GRAMD1C: variants seen among roughly 807,000 people sequenced by gnomAD.
GRAMD1C encodes GRAM domain containing 1C.
Under a neutral mutation model 97.8 loss-of-function variants are expected in GRAMD1C, and 89 were observed. That is an observed-to-expected ratio of 0.91 (90% CI 0.77 to 1.09). The LOEUF (loss-of-function observed/expected upper bound fraction) is 1.09. GRAMD1C is among the 50% of genes least tolerant of loss of function. GRAMD1C has a pLI of 0.00. For missense variants in GRAMD1C, 740 were observed against 766.4 expected, an observed-to-expected ratio of 0.97 and a Z score of 0.41; for synonymous variants, 256 against 267.0, an observed-to-expected ratio of 0.96 and a Z score of 0.40.
At chr3:113,919,495 G>T in intron 10 of GRAMD1C, 1 of 531,972 alleles carries the variant, frequency 1.9e-6, no homozygotes, top group South Asian at 1.4e-5. Context: ...TAAACCTAAT[G>T]AAAGAACTAG....
chr3:113,870,226 G>A (rs1934741766), intron 3 of GRAMD1C, among the ~76,000 whole-genome samples: 1 of 151,970 alleles, frequency 6.6e-6, no homozygotes, highest in East Asian at 1.9e-4. Context: ...AGCCAGGTGT[G>A]GTGGTATGTG....
At chr3:113,852,754 A>C (rs972782117) in intron 2 of GRAMD1C, among the ~76,000 whole-genome samples, 1 of 152,202 alleles carries the variant, frequency 6.6e-6, no homozygotes, top group African/African-American at 2.4e-5. Context: ...AACTTGTATG[A>C]GCTGGAACTG....
At chr3:113,837,891 G>C (rs529475348), upstream of GRAMD1C, among the ~76,000 whole-genome samples, 1 of 152,300 alleles carries the variant, frequency 6.6e-6, no homozygotes, top group African/African-American at 2.4e-5. Flanking sequence ...TGGTCTAATA[G>C]AGCCAGAACC....
chr3:113,835,199 G>C (rs1263239628), upstream of GRAMD1C, among the ~76,000 whole-genome samples: 2 of 152,126 alleles, frequency 1.3e-5, no homozygotes, highest in African/African-American at 4.8e-5. Flanking sequence ...TCTCAATGAG[G>C]CATTTGTGTT....
At chr3:113,942,322 G>T (rs1361975432) in intron 17 of GRAMD1C, among the ~76,000 whole-genome samples, 2 of 151,848 alleles carry the variant, frequency 1.3e-5, no homozygotes, top group South Asian at 4.1e-4. Flanking sequence ...TTTGCATCAA[G>T]ATCTTCACCC....
chr3:113,911,733 C>CCTTCCT (rs1577196034), intron 9 of GRAMD1C, among the ~76,000 whole-genome samples: 2 of 28,342 alleles, frequency 7.1e-5, no homozygotes, highest in Non-Finnish European at 7.2e-5. Context: ...CCTTCCTTTT[C>CCTTCCT]TTTCTTTCTT....
At chr3:113,885,801 A>C in intron 6 of GRAMD1C, 1 of 1,610,058 alleles carries the variant, frequency 6.2e-7, no homozygotes, top group East Asian at 2.2e-5. Flanking sequence ...GAGCAGCTAC[A>C]TCAAGGACCT....
At chr3:113,835,166 C>G (rs1197877886), upstream of GRAMD1C, among the ~76,000 whole-genome samples, 1 of 152,120 alleles carries the variant, frequency 6.6e-6, no homozygotes, top group Non-Finnish European at 1.5e-5. Context: ...AGTGTGATCT[C>G]ACTTTAAATA....
At position 113,940,365 on chromosome 3, in the gene GRAMD1C, ACAGTACTT is replaced by A; in HGVS notation, c.1908+21_1908+28del. On this transcript the variant is annotated intron_variant, in intron 17 of 17. Transcript: ENST00000358160. ...GAACAGGTAGGCAACTCGATACATC[ACAGTACTT>A]AGTATCTTTGTCCCAGTATGAATTA... 1 of 1,164,308 alleles carries A rather than the reference ACAGTACTT, an allele frequency of 8.6e-7. No homozygotes were observed. 72.1% of individuals were successfully genotyped at this position (1,164,308 alleles called of 1,614,324 possible).
rs148862856 is a variant in GRAMD1C at position 113,904,016 on chromosome 3, T to A, written c.657-124T>A. 508 of 596,756 alleles carry A rather than the reference T, an allele frequency of 8.5e-4. 5 individuals carry two copies. The African/African-American group carries it at 8.6e-3, about 10-fold the overall frequency. The allele number at this position is 596,756 out of a possible 1,614,324, so 37.0% of individuals were successfully genotyped here. On this transcript the variant is annotated intron_variant, in intron 7 of 17. Transcript: ENST00000358160. Reference sequence around the variant, plus strand: ...TTGTTATAAGTAAACATTTATTTGCTATATTACAGTAGTCCATTTATTATC... The same window carrying A: ...TTGTTATAAGTAAACATTTATTTGCAATATTACAGTAGTCCATTTATTATC...
intron 3 of GRAMD1C, among the ~76,000 whole-genome samples, chr3:113,870,221 G>A (rs1417487087): frequency 2.6e-5 from 4 of 151,938 alleles, no homozygotes; most frequent in Admixed American, 6.6e-5. Context: ...AAATTAGCCA[G>A]GTGTGGTGGT....
At chr3:113,879,850 T>C (rs1239744208) in intron 5 of GRAMD1C, among the ~76,000 whole-genome samples, 1 of 151,956 alleles carries the variant, frequency 6.6e-6, no homozygotes, top group African/African-American at 2.4e-5. Flanking sequence ...CCCGCCACCA[T>C]GCCCGGCTAA....
chr3:113,829,718 A>G (rs1034206501), intron 1 of GRAMD1C, among the ~76,000 whole-genome samples: 2 of 152,224 alleles, frequency 1.3e-5, no homozygotes, highest in East Asian at 3.8e-4. Context: ...GCTAGATCAA[A>G]TATATCAGTG....
chr3:113,933,238 G>A lies in GRAMD1C; in HGVS notation c.1210-273G>A, dbSNP rs146736305. 9.8e-3 allele frequency among the ~76,000 whole-genome samples: 1,481 copies of A among 151,798 alleles called. 9 individuals carry two copies. The highest frequency in any genetic ancestry group is 0.014 in the Middle Eastern group (4 of 294). On this transcript the variant is annotated intron_variant, in intron 11 of 17. Transcript: ENST00000358160. Reference sequence around the variant, plus strand: ...GTAGAGGCTGGGTGTTTTTATATTGGCCAGGCTGGTCCCGAATTCCTGACC... The same window carrying A: ...GTAGAGGCTGGGTGTTTTTATATTGACCAGGCTGGTCCCGAATTCCTGACC...
chr3:113,869,244 A>G (rs992040272), intron 2 of GRAMD1C, among the ~76,000 whole-genome samples: 1 of 151,942 alleles, frequency 6.6e-6, no homozygotes, highest in African/African-American at 2.4e-5. Flanking sequence ...GCCTTTGGTC[A>G]TTTTCCATCG....
At chr3:113,894,927 A>G (rs1935876904) in intron 6 of GRAMD1C, among the ~76,000 whole-genome samples, 1 of 152,204 alleles carries the variant, frequency 6.6e-6, no homozygotes, top group African/African-American at 2.4e-5. Context: ...GGTTGACAGA[A>G]GGGTGTCCTA....
chr3:113,838,720 C>A, upstream of GRAMD1C: 1 of 377,578 alleles, frequency 2.6e-6, no homozygotes, highest in Non-Finnish European at 4.7e-6. Flanking sequence ...TTCAGGCTAA[C>A]CCGGTAACAC....
At chr3:113,885,428 A>G (rs1165865814) in intron 6 of GRAMD1C, 4 of 1,572,348 alleles carry the variant, frequency 2.5e-6, no homozygotes, top group South Asian at 1.1e-5. Flanking sequence ...GTTCGATATG[A>G]TATCCTCCCC....
intron 6 of GRAMD1C, among the ~76,000 whole-genome samples, chr3:113,891,534 A>C (rs1335395442): frequency 6.6e-6 from 1 of 152,116 alleles, no homozygotes; most frequent in African/African-American, 2.4e-5. Flanking sequence ...TAGCTACAAA[A>C]TTCTATTAAA....
Sources: gnomAD v4.1 joint callset for allele counts (sites outside exome capture counted in the v4.1 genomes callset) on GRCh38, gnomAD v4.1.1 for gene constraint, MANE v1.5 for transcripts, NCBI Gene and HGNC (gene_info 2026-07-23, HGNC 2026-07-21) for gene names.